The following ARHGAP22 variants were observed in gnomAD, a reference collection of about 807,000 sequenced individuals.
ARHGAP22 encodes Rho GTPase activating protein 22.
In ARHGAP22, 48 loss-of-function variants were observed where a neutral mutation model predicts 59.1. That is an observed-to-expected ratio of 0.81 (90% CI 0.64 to 1.03). The LOEUF (loss-of-function observed/expected upper bound fraction) is 1.03. Ranked by LOEUF, ARHGAP22 falls within the 50% of genes least tolerant of loss-of-function variation. ARHGAP22 has a pLI of 0.00. For synonymous variants in ARHGAP22, 445 were observed against 416.4 expected (o/e 1.07, Z -0.84); for missense variants, 1,015 against 958.7 (o/e 1.06, Z -0.78).
intron 3 of ARHGAP22, among the ~76,000 whole-genome samples, chr10:48,530,966 G>A (rs189595947): frequency 6.6e-6 from 1 of 152,314 alleles, no homozygotes; most frequent in African/African-American, 2.4e-5. Flanking sequence ...AAAGATACTT[G>A]CACACGCATG....
At chr10:48,616,170 T>C (rs148610236) in intron 1 of ARHGAP22, among the ~76,000 whole-genome samples, 13 of 152,328 alleles carry the variant, frequency 8.5e-5, no homozygotes, top group African/African-American at 2.9e-4. Context: ...TGTGCTCATT[T>C]AGCGTCTTGG....
intron 3 of ARHGAP22, among the ~76,000 whole-genome samples, chr10:48,492,824 A>G (rs1376396288): frequency 6.6e-6 from 1 of 152,226 alleles, no homozygotes; most frequent in African/African-American, 2.4e-5. Context: ...AAGTGCTGGG[A>G]TTACAGGCCA....
intron 1 of ARHGAP22, among the ~76,000 whole-genome samples, chr10:48,591,270 C>T (rs1196655806): frequency 6.6e-6 from 1 of 152,150 alleles, no homozygotes; most frequent in Non-Finnish European, 1.5e-5. Flanking sequence ...TGGGTGTAGG[C>T]AAATGGAATT....
chr10:48,555,535 G>T lies in ARHGAP22; in HGVS notation c.250C>A (p.Gln84Lys), dbSNP rs781711619. 2 of 1,614,054 alleles carry T rather than the reference G, an allele frequency of 1.2e-6. No homozygotes were observed. The highest frequency in any genetic ancestry group is 2.7e-5 in the African/African-American group (2 of 74,946). Residue 84 changes from glutamine (Q) to lysine (K), a missense_variant, in exon 3 of 10, where the codon CAA becomes AAA. Gln to Lys is a moderately conservative substitution (Grantham distance 53, BLOSUM62 1). Transcript: ENST00000249601. ...EIKPQGFISL[Q>K]GTQVTELPPG... is the part of the protein sequence containing the mutation. ...GGAAGTTCAGTCACCTGTGTCCCTTGTAGAGAAATAAATCCCTAAAAAGGA... is the reference window on the plus strand; with the variant it reads ...GGAAGTTCAGTCACCTGTGTCCCTTTTAGAGAAATAAATCCCTAAAAAGGA...
intron 3 of ARHGAP22, among the ~76,000 whole-genome samples, chr10:48,485,180 T>C (rs1210276185): frequency 6.6e-6 from 1 of 151,800 alleles, no homozygotes; most frequent in Non-Finnish European, 1.5e-5. Flanking sequence ...CTGATCTTTA[T>C]TTTTTTTTCT....
At chr10:48,541,281 T>A (rs1235976471) in intron 3 of ARHGAP22, among the ~76,000 whole-genome samples, 2 of 152,272 alleles carry the variant, frequency 1.3e-5, no homozygotes, top group Middle Eastern at 3.4e-3. Context: ...CCTCCCCACA[T>A]CCTAATTTAT....
chr10:48,507,905 T>TGGGGGGGGG (rs2052316357), intron 3 of ARHGAP22, among the ~76,000 whole-genome samples: 1 of 5,264 alleles, frequency 1.9e-4, no homozygotes, highest in African/African-American at 7.1e-4. Flanking sequence ...TACTGGGGGG[T>TGGGGGGGGG]GGGGGTGGGG....
chr10:48,576,856 G>T (rs539653206), intron 2 of ARHGAP22, among the ~76,000 whole-genome samples: 1 of 152,008 alleles, frequency 6.6e-6, no homozygotes, highest in South Asian at 2.1e-4. Flanking sequence ...GGAATTCCTA[G>T]CATGGGCAGT....
At chr10:48,579,731 G>C (rs1075809) in intron 2 of ARHGAP22, among the ~76,000 whole-genome samples, 61,683 of 152,052 alleles carry the variant, frequency 0.41, 13,392 homozygotes, top group Non-Finnish European at 0.49. Context: ...TCCTTCTTCC[G>C]GACAGTTACA....
intron 1 of ARHGAP22, among the ~76,000 whole-genome samples, chr10:48,632,137 G>A (rs1176776781): frequency 2.0e-5 from 3 of 152,032 alleles, no homozygotes; most frequent in Non-Finnish European, 4.4e-5. Context: ...CCTTCCCCAC[G>A]AGTCCTCAAA....
intron 1 of ARHGAP22, among the ~76,000 whole-genome samples, chr10:48,587,624 T>A (rs2059507232): frequency 6.6e-6 from 1 of 152,230 alleles, no homozygotes; most frequent in African/African-American, 2.4e-5. Context: ...TATCAGAGAA[T>A]CTTCAAGGGC....
intron 3 of ARHGAP22, among the ~76,000 whole-genome samples, chr10:48,547,766 G>C (rs937750491): frequency 6.6e-6 from 1 of 152,222 alleles, no homozygotes; most frequent in Admixed American, 6.5e-5. Flanking sequence ...CTGAGTGTGG[G>C]GGGCCATCGG....
chr10:48,472,417 A>G (rs1589591954), intron 4 of ARHGAP22, among the ~76,000 whole-genome samples: 1 of 151,002 alleles, frequency 6.6e-6, no homozygotes, highest in South Asian at 2.1e-4. Flanking sequence ...CCAGCTACTC[A>G]GGAGGCTGAG....
the ARHGAP22 span, chr10:48,435,052 G>T: frequency 2.1e-6 from 3 of 1,412,454 alleles, no homozygotes; most frequent in South Asian, 2.7e-5. Flanking sequence ...TCGGGGGGTG[G>T]GAGGGATGGG....
chr10:48,572,059 A>T (rs3867455), intron 2 of ARHGAP22, among the ~76,000 whole-genome samples: 58,309 of 151,574 alleles, frequency 0.38, 12,574 homozygotes, highest in East Asian at 0.89. Flanking sequence ...GAGGTCAAAC[A>T]TGCCTTGCTA....
Position 48,629,630 on chromosome 10 carries a change from G to C in ARHGAP22, c.52+22604C>G, listed in dbSNP as rs182826632. On this transcript the variant is annotated intron_variant, in intron 1 of 9. Coordinates refer to the ARHGAP22 transcript ENST00000435790. ...TGTTTACATGTTTATTTTAGAGTAA[G>C]TCTTGAATTTAGGTTGCATGCTTCC... 9.1e-4 allele frequency among the ~76,000 whole-genome samples: 139 copies of C among 152,280 alleles called. 2 individuals carry two copies. The East Asian group carries it at 0.012, about 13-fold the overall frequency.
At chr10:48,455,749 CTT>C (rs1373268758) in intron 5 of ARHGAP22, among the ~76,000 whole-genome samples, 1 of 152,252 alleles carries the variant, frequency 6.6e-6, no homozygotes. Context: ...CTGCACTTGA[CTT>C]TGGCTGGAGT....
chr10:48,498,629 G>T (rs1016256504), intron 3 of ARHGAP22, among the ~76,000 whole-genome samples: 3 of 152,192 alleles, frequency 2.0e-5, no homozygotes, highest in Non-Finnish European at 4.4e-5. Context: ...TGATGCGCTA[G>T]AGCCAAAAGT....
intron 3 of ARHGAP22, among the ~76,000 whole-genome samples, chr10:48,534,226 C>T (rs958223569): frequency 1.3e-5 from 2 of 152,206 alleles, no homozygotes; most frequent in Non-Finnish European, 2.9e-5. Flanking sequence ...CAAGGGGAAT[C>T]GTTGGGGAGA....
Sources: gnomAD v4.1 joint callset for allele counts (sites outside exome capture counted in the v4.1 genomes callset) on GRCh38, gnomAD v4.1.1 for gene constraint, MANE v1.5 for transcripts, NCBI Gene and HGNC (gene_info 2026-07-23, HGNC 2026-07-21) for gene names.